The following KCNQ5 variants were observed in gnomAD, a reference collection of about 807,000 sequenced individuals.
The protein encoded by KCNQ5 is potassium voltage-gated channel subfamily KQT member 5.
In KCNQ5, 30 loss-of-function variants were observed where a neutral mutation model predicts 98.2. The observed-to-expected ratio is 0.31, with a 90% CI of 0.23 to 0.41. The LOEUF is 0.41. Ranked by LOEUF, KCNQ5 falls within the 10% of genes least tolerant of loss-of-function variation. KCNQ5 has a pLI of 1.00. For missense variants in KCNQ5, 835 were observed against 1,182.5 expected, an observed-to-expected ratio of 0.71 and a Z score of 4.31; for synonymous variants, 458 against 449.4, an observed-to-expected ratio of 1.02 and a Z score of -0.24.
intron 10 of KCNQ5, 86 bp from the exon 11 acceptor site, chr6:73,169,660 C>T (rs1025840992): frequency 5.5e-6 from 5 of 905,762 alleles, no homozygotes; most frequent in South Asian, 1.4e-5. Flanking sequence ...CTGTGAGTAT[C>T]CCGCCATTTC....
rs189393492 is a variant in KCNQ5 at position 73,174,418 on chromosome 6, C to T, written c.1577+4564C>T. Reference sequence around the variant, plus strand: ...TGAAGAGAAATGACCAAGACGCTATCGATTGTGCCTTGCTCTTACCGTCTC... The same window carrying T: ...TGAAGAGAAATGACCAAGACGCTATTGATTGTGCCTTGCTCTTACCGTCTC... On this transcript the variant is annotated intron_variant, in intron 11 of 13. Transcript: ENST00000370398. 4.5e-3 allele frequency among the ~76,000 whole-genome samples: 683 copies of T among 152,282 alleles called. 6 individuals are homozygous for T. Among genetic ancestry groups the T allele is most frequent in the African/African-American group, 0.016 (651 of 41,542 alleles).
At chr6:73,125,466 T>G in intron 9 of KCNQ5, 1 of 517,966 alleles carries the variant, frequency 1.9e-6, no homozygotes, top group Admixed American at 1.9e-5. Flanking sequence ...ACATTTTTTT[T>G]CCTATCATTG....
chr6:72,654,141 A>G (rs1406686497), intron 1 of KCNQ5, among the ~76,000 whole-genome samples: 1 of 152,078 alleles, frequency 6.6e-6, no homozygotes, highest in African/African-American at 2.4e-5. Context: ...AGGGAAATAC[A>G]GAGAAATGAC....
chr6:73,192,315 T>A (rs553082307), intron 12 of KCNQ5, among the ~76,000 whole-genome samples: 26 of 152,324 alleles, frequency 1.7e-4, no homozygotes, highest in Non-Finnish European at 3.1e-4. Flanking sequence ...TACTTTGTAG[T>A]TTAGGACACT....
chr6:73,069,749 G>A (rs1008073555), intron 3 of KCNQ5, among the ~76,000 whole-genome samples: 1 of 152,198 alleles, frequency 6.6e-6, no homozygotes, highest in East Asian at 1.9e-4. Flanking sequence ...CTTCTAGGCA[G>A]AGCAGCAGCA....
At chr6:73,057,226 G>A (rs562503024) in intron 3 of KCNQ5, among the ~76,000 whole-genome samples, 2 of 149,098 alleles carry the variant, frequency 1.3e-5, no homozygotes, top group East Asian at 4.0e-4. Flanking sequence ...ACTATCACAA[G>A]GACAGAAAAC....
At chr6:73,168,093 C>T (rs1057258291) in intron 10 of KCNQ5, among the ~76,000 whole-genome samples, 1 of 152,178 alleles carries the variant, frequency 6.6e-6, no homozygotes, top group African/African-American at 2.4e-5. Flanking sequence ...CTGTGAAGAT[C>T]CATGTGTCTA....
In KCNQ5 at chr6:73,111,288, A is replaced by AT; in HGVS notation, c.1030-15dup. 1 of 1,581,940 alleles carries AT rather than the reference A, an allele frequency of 6.3e-7. No homozygotes were observed. Among genetic ancestry groups the AT allele is most frequent in the Non-Finnish European group, 8.6e-7 (1 of 1,157,090 alleles). On this transcript the variant is annotated intron_variant, in intron 6 of 13. Transcript: ENST00000370398. ...AGTGCTTTTGAAATTTTTGAGTGCC[A>AT]TTTTTGTATTTTGTTCCAGGGCATT...
At chr6:73,110,595 G>A (rs1351902432) in intron 6 of KCNQ5, among the ~76,000 whole-genome samples, 1 of 152,168 alleles carries the variant, frequency 6.6e-6, no homozygotes, top group African/African-American at 2.4e-5. Context: ...AATTAAAATG[G>A]GAATGTGCTT....
rs376880666 is a variant in KCNQ5 at position 72,622,613 on chromosome 6, C to A, written c.398+26C>A. 3.7e-6 allele frequency: 6 copies of A among 1,609,770 alleles called. No homozygotes were observed. The South Asian group carries it at 6.6e-5, about 18-fold the overall frequency. On this transcript the variant is annotated intron_variant, in intron 1 of 13. Transcript: ENST00000370398. This position sits in a 1 kb window ranked among gnomAD's most constrained non-coding sequence, Gnocchi z 6.0. ...GTGAGTACCCGCGCCCCCTGCTATG[C>A]CCGCTGCAGGGGACCACTGTCCCTG...
chr6:72,983,507 G>T (rs1768578017), intron 1 of KCNQ5, among the ~76,000 whole-genome samples: 1 of 152,118 alleles, frequency 6.6e-6, no homozygotes. Context: ...CTCATGCCAT[G>T]GTTTTCAGCT....
intron 5 of KCNQ5, among the ~76,000 whole-genome samples, chr6:73,088,617 C>T (rs892662144): frequency 2.0e-5 from 3 of 152,118 alleles, no homozygotes; most frequent in African/African-American, 4.8e-5. Context: ...CCAAATCTCA[C>T]GCCAAACCAA....
intron 1 of KCNQ5, among the ~76,000 whole-genome samples, chr6:72,796,395 T>A (rs9442849): frequency 6.9e-4 from 105 of 152,248 alleles, no homozygotes; most frequent in African/African-American, 2.4e-3. Context: ...ATTTCAAAAC[T>A]AGCCAGGACC....
At chr6:72,629,668 T>TGG (rs2098919761) in intron 1 of KCNQ5, among the ~76,000 whole-genome samples, 1 of 152,244 alleles carries the variant, frequency 6.6e-6, no homozygotes, top group Non-Finnish European at 1.5e-5. Flanking sequence ...CAGATGAAAA[T>TGG]GCCAGCAGAG....
chr6:73,026,619 T>C (rs908130508), intron 2 of KCNQ5, among the ~76,000 whole-genome samples: 5 of 152,158 alleles, frequency 3.3e-5, no homozygotes, highest in African/African-American at 4.8e-5. Context: ...TCTGCTTGCT[T>C]CCACTAGAAA....
intron 1 of KCNQ5, among the ~76,000 whole-genome samples, chr6:72,909,019 A>C (rs764307075): frequency 2.6e-5 from 4 of 152,296 alleles, no homozygotes; most frequent in Non-Finnish European, 5.9e-5. Context: ...ATAATTTAAT[A>C]TTCTTATGAA....
At chr6:72,759,186 A>C (rs1252397260) in intron 1 of KCNQ5, among the ~76,000 whole-genome samples, 1 of 152,176 alleles carries the variant, frequency 6.6e-6, no homozygotes, top group Non-Finnish European at 1.5e-5. Context: ...AGCTTTGGAG[A>C]TGAATGACTT....
At chr6:73,067,947 C>A (rs1017788343) in intron 3 of KCNQ5, among the ~76,000 whole-genome samples, 31 of 151,000 alleles carry the variant, frequency 2.1e-4, no homozygotes, top group Non-Finnish European at 4.1e-4. Context: ...AAGATAATCA[C>A]CATTAATATG....
chr6:73,050,121 A>G (rs1772152400), intron 3 of KCNQ5, among the ~76,000 whole-genome samples: 1 of 152,116 alleles, frequency 6.6e-6, no homozygotes, highest in Non-Finnish European at 1.5e-5. Flanking sequence ...GGAGGCTGAT[A>G]GGAGAAGGTA....
Sources: allele counts gnomAD v4.1 joint callset (sites outside exome capture counted in the v4.1 genomes callset), GRCh38; gene constraint gnomAD v4.1.1; non-coding constraint Gnocchi (gnomAD v3.1); transcripts MANE v1.5; gene names NCBI Gene and HGNC (gene_info 2026-07-23, HGNC 2026-07-21).